Variants in RAB3C observed in about 807,000 individuals in gnomAD.
RAB3C encodes the protein ras-related protein Rab-3C.
RAB3C carries 17 observed loss-of-function variants against 26.4 expected under a neutral mutation model. The observed-to-expected ratio is 0.64, with a 90% CI of 0.44 to 0.97. RAB3C has a LOEUF of 0.97. RAB3C is among the 50% of genes least tolerant of loss of function. RAB3C has a pLI of 0.00. For missense variants in RAB3C, 242 were observed against 281.9 expected, an observed-to-expected ratio of 0.86 and a Z score of 1.01; for synonymous variants, 91 against 95.9, an observed-to-expected ratio of 0.95 and a Z score of 0.30.
intron 2 of RAB3C, among the ~76,000 whole-genome samples, chr5:58,671,560 A>G (rs12514270): frequency 1.9e-4 from 29 of 152,316 alleles, no homozygotes; most frequent in Admixed American, 1.8e-3. Context: ...TTGTGCCCCT[A>G]AAAATCACCT....
intron 2 of RAB3C, among the ~76,000 whole-genome samples, chr5:58,678,935 CTT>C (rs918913174): frequency 7.9e-5 from 12 of 151,632 alleles, no homozygotes; most frequent in Admixed American, 7.2e-4. Flanking sequence ...TCCAAAAAGA[CTT>C]TTTGTTTTTC....
rs192556197 is a variant in RAB3C at position 58,701,248 on chromosome 5, G to A, written c.253-24754G>A. ...GATCTCCTGACCTCATGATCCACCC[G>A]CCTTGGCCTCCCAAGGTGCTGGAAT... On this transcript the variant is annotated intron_variant, in intron 2 of 4. Transcript: ENST00000282878. 8.2e-4 allele frequency among the ~76,000 whole-genome samples: 125 copies of A among 152,192 alleles called. 5 individuals are homozygous for A. In the East Asian group the frequency reaches 0.022, roughly 26 times the overall value.
rs1043502969 is a variant in RAB3C, at chr5:58,858,560, G to A, written c.*7209G>A. 2 of 152,168 alleles carry A rather than the reference G, an allele frequency of 1.3e-5. No homozygotes were observed. The highest frequency in any genetic ancestry group is 4.8e-5 in the African/African-American group (2 of 41,428). 9.4% of individuals were successfully genotyped at this position (152,168 alleles called of 1,614,324 possible). A position where few individuals can be genotyped will look rare whatever the true frequency, so the allele number is the denominator to read the frequency against. ...GAGAATGGGGGACCTGTAAGAACTG[G>A]AAGAGTCAGAGAGGGCTCCATTGAA... On this transcript the variant is annotated 3_prime_UTR_variant, in exon 5 of 5. Transcript: ENST00000282878.
At chr5:58,743,906 T>G (rs1477580503) in intron 3 of RAB3C, among the ~76,000 whole-genome samples, 2 of 152,246 alleles carry the variant, frequency 1.3e-5, no homozygotes, top group African/African-American at 2.4e-5. Flanking sequence ...AGATCTTATA[T>G]AGCTTCCTAA....
chr5:58,590,215 GT>G (rs1746099916), intron 1 of RAB3C, among the ~76,000 whole-genome samples: 1 of 152,098 alleles, frequency 6.6e-6, no homozygotes, highest in Non-Finnish European at 1.5e-5. Context: ...GGTAAATTGT[GT>G]TTTTCACTTC....
chr5:58,757,435 G>C (rs572935686), intron 3 of RAB3C, among the ~76,000 whole-genome samples: 1 of 152,136 alleles, frequency 6.6e-6, no homozygotes, highest in East Asian at 1.9e-4. Context: ...TGGAAGAATG[G>C]ATTACTGCCA....
intron 4 of RAB3C, among the ~76,000 whole-genome samples, chr5:58,843,233 T>A (rs1743914679): frequency 6.6e-6 from 1 of 152,208 alleles, no homozygotes; most frequent in African/African-American, 2.4e-5. Context: ...TGAAATTTCA[T>A]TCATTTGGGC....
intron 4 of RAB3C, among the ~76,000 whole-genome samples, chr5:58,842,277 G>A (rs1488962598): frequency 1.3e-5 from 2 of 152,186 alleles, no homozygotes; most frequent in Non-Finnish European, 2.9e-5. Context: ...GAAGTGTGCT[G>A]TTCTCACCAG....
At chr5:58,696,302 A>C (rs1748697281) in intron 2 of RAB3C, among the ~76,000 whole-genome samples, 1 of 152,102 alleles carries the variant, frequency 6.6e-6, no homozygotes, top group Non-Finnish European at 1.5e-5. Context: ...AAGCTTTTTG[A>C]TGTGCTGCTG....
At chr5:58,632,656 A>T (rs1469471793) in intron 2 of RAB3C, among the ~76,000 whole-genome samples, 2 of 152,224 alleles carry the variant, frequency 1.3e-5, no homozygotes, top group East Asian at 3.8e-4. Flanking sequence ...CTGTAGGCCT[A>T]TTCTTCGAGT....
At chr5:58,846,670 C>T (rs1281858094) in intron 4 of RAB3C, among the ~76,000 whole-genome samples, 3 of 152,014 alleles carry the variant, frequency 2.0e-5, no homozygotes, top group Admixed American at 2.0e-4. Flanking sequence ...TGAGCTATGG[C>T]ACCCAGCCCA....
chr5:58,684,720 G>A (rs1236757762), intron 2 of RAB3C, among the ~76,000 whole-genome samples: 2 of 152,270 alleles, frequency 1.3e-5, no homozygotes, highest in Admixed American at 6.5e-5. Flanking sequence ...AAATAAAACC[G>A]TTATCTGGCT....
intron 3 of RAB3C, among the ~76,000 whole-genome samples, chr5:58,818,732 G>A (rs993211429): frequency 6.6e-6 from 1 of 152,166 alleles, no homozygotes; most frequent in Non-Finnish European, 1.5e-5. Context: ...TTTGGTGACA[G>A]CCACTCGCTT....
chr5:58,727,772 T>TGGG (rs1561302120), intron 3 of RAB3C, among the ~76,000 whole-genome samples: 4 of 152,104 alleles, frequency 2.6e-5, no homozygotes, highest in South Asian at 2.1e-4. Context: ...CCAGAAGTGC[T>TGGG]ATTATAAGTT....
At chr5:58,714,850 A>T (rs1749135576) in intron 2 of RAB3C, among the ~76,000 whole-genome samples, 1 of 152,036 alleles carries the variant, frequency 6.6e-6, no homozygotes, top group African/African-American at 2.4e-5. Flanking sequence ...AAGAAACATA[A>T]CATAATCAGA....
chr5:58,787,370 C>A (rs1742415327), intron 3 of RAB3C, among the ~76,000 whole-genome samples: 1 of 152,164 alleles, frequency 6.6e-6, no homozygotes, highest in Non-Finnish European at 1.5e-5. Context: ...GAGATTGAGA[C>A]TCAAGAAATC....
intron 3 of RAB3C, among the ~76,000 whole-genome samples, chr5:58,797,502 G>T (rs181173399): frequency 3.3e-5 from 5 of 151,098 alleles, no homozygotes; most frequent in Non-Finnish European, 7.4e-5. Flanking sequence ...CCTTCTTTAG[G>T]TAATGGCTTC....
intron 4 of RAB3C, among the ~76,000 whole-genome samples, chr5:58,845,042 A>G (rs1240267895): frequency 6.6e-6 from 1 of 152,168 alleles, no homozygotes; most frequent in Non-Finnish European, 1.5e-5. Context: ...TTAAGTGTGC[A>G]ATACTGTGAT....
intron 2 of RAB3C, among the ~76,000 whole-genome samples, chr5:58,664,259 C>A (rs2111811957): frequency 6.6e-6 from 1 of 152,170 alleles, no homozygotes; most frequent in African/African-American, 2.4e-5. Context: ...ACAAATGTGG[C>A]AAATCCATAC....
Sources: gnomAD v4.1 joint callset for allele counts (sites outside exome capture counted in the v4.1 genomes callset) on GRCh38, gnomAD v4.1.1 for gene constraint, MANE v1.5 for transcripts, NCBI Gene and HGNC (gene_info 2026-07-23, HGNC 2026-07-21) for gene names.